SLC12A2: variants seen among roughly 807,000 people sequenced by gnomAD.
The protein encoded by SLC12A2 is solute carrier family 12 member 2.
A neutral mutation model predicts 136.3 loss-of-function variants in SLC12A2; 67 were observed. That is an observed-to-expected ratio of 0.49 (90% CI 0.40 to 0.60). The LOEUF is 0.60. Among genes scored for constraint, SLC12A2 ranks in the 20% least tolerant of loss-of-function variants. SLC12A2 has a pLI of 0.00. For synonymous variants in SLC12A2, 619 were observed against 562.9 expected, an observed-to-expected ratio of 1.10 and a Z score of -1.41; for missense variants, 1,322 against 1,534.7, an observed-to-expected ratio of 0.86 and a Z score of 2.32.
chr5:128,138,810 T>C lies in SLC12A2; in HGVS notation c.1537-14T>C. 4.4e-6 allele frequency: 7 copies of C among 1,607,414 alleles called. No homozygotes were observed. The highest frequency in any genetic ancestry group is 5.9e-6 in the Non-Finnish European group (7 of 1,176,590). On this transcript the variant is annotated splice_polypyrimidine_tract_variant and intron_variant, in intron 8 of 26. Transcript: ENST00000262461. ...TTTTACAGATAGACTTTAAAAAATC[T>C]TCTTGTCTTCTAGGATCCTCAGTCA...
intron 1 of SLC12A2, among the ~76,000 whole-genome samples, chr5:128,092,569 A>G (rs1760373976): frequency 6.6e-6 from 1 of 152,218 alleles, no homozygotes; most frequent in South Asian, 2.1e-4. Flanking sequence ...TTTATAATAT[A>G]CCGTATTTTA....
chr5:128,109,471 G>T, intron 1 of SLC12A2: 1 of 495,444 alleles, frequency 2.0e-6, no homozygotes, highest in Admixed American at 2.8e-5. Context: ...ATCATTTCGA[G>T]AGTCCGTCTT....
chr5:128,147,797 G>T lies in SLC12A2; in HGVS notation c.1881+68G>T, dbSNP rs1762577156. On this transcript the variant is annotated intron_variant, in intron 11 of 26. Transcript: ENST00000262461. ...AAGTAATACTTCTCAATTTAGAATT[G>T]TTGCTATTTTCAAATTATTTGCTTC... 4 of 953,432 alleles carry T rather than the reference G, an allele frequency of 4.2e-6. No individual in the cohort carries two copies. In the South Asian group the frequency reaches 5.9e-5, roughly 14 times the overall value. The allele number at this position is 953,432 out of a possible 1,614,324, so 59.1% of individuals were successfully genotyped here.
chr5:128,127,966 A>G (rs1002101745), intron 4 of SLC12A2, among the ~76,000 whole-genome samples: 2 of 151,946 alleles, frequency 1.3e-5, no homozygotes, highest in Admixed American at 6.6e-5. Flanking sequence ...CTCATTTTTT[A>G]GTATAATCAT....
intron 17 of SLC12A2, among the ~76,000 whole-genome samples, chr5:128,163,099 T>A (rs1428684761): frequency 6.6e-6 from 1 of 152,186 alleles, no homozygotes; most frequent in East Asian, 1.9e-4. Context: ...TGTGGTAATG[T>A]AGATTGGACA....
At chr5:128,143,756 T>G (rs1262248054) in intron 10 of SLC12A2, among the ~76,000 whole-genome samples, 1 of 151,832 alleles carries the variant, frequency 6.6e-6, no homozygotes, top group Non-Finnish European at 1.5e-5. Flanking sequence ...AAATTTTGCT[T>G]TGTAATTTTT....
intron 16 of SLC12A2, among the ~76,000 whole-genome samples, chr5:128,161,299 CA>C (rs1291498490): frequency 6.6e-6 from 1 of 152,092 alleles, no homozygotes; most frequent in Non-Finnish European, 1.5e-5. Flanking sequence ...GTAACAAAAA[CA>C]AAACTAGGGA....
chr5:128,087,002 C>T (rs1402035622), intron 1 of SLC12A2, among the ~76,000 whole-genome samples: 4 of 152,162 alleles, frequency 2.6e-5, no homozygotes, highest in African/African-American at 9.7e-5. Flanking sequence ...AATTATCTAC[C>T]ATGGGACTAA....
rs974444430 is a variant in SLC12A2 at position 128,124,730 on chromosome 5, T to G, written c.1049-6337T>G. ...GATTAAATCATTGGCCATTAATGAT[T>G]AGCTCAATTTCTAGTGCCTCTCCCT... On this transcript the variant is annotated intron_variant, in intron 4 of 26. Transcript: ENST00000262461. 2.2e-4 allele frequency among the ~76,000 whole-genome samples: 34 copies of G among 152,206 alleles called. 1 individual carries two copies. In the South Asian group the frequency reaches 3.1e-3, roughly 14 times the overall value.
intron 16 of SLC12A2, among the ~76,000 whole-genome samples, chr5:128,159,162 G>A (rs1033959424): frequency 6.6e-6 from 1 of 151,524 alleles, no homozygotes; most frequent in African/African-American, 2.4e-5. Context: ...AGAGTGGTTT[G>A]GCTTTTTGAT....
intron 12 of SLC12A2, 38 bp from the exon 13 acceptor site, chr5:128,149,959 T>TA (rs1186939495): frequency 2.2e-6 from 3 of 1,335,762 alleles, no homozygotes; most frequent in Non-Finnish European, 3.2e-6. Context: ...GTTAAATGTC[T>TA]AATACGTCAG....
rs70997365 is a variant in SLC12A2, at chr5:128,179,948, C to CTTTTTTTTTTTT, written c.3101-907_3101-896dup. Among the ~76,000 whole-genome samples the CTTTTTTTTTTTT allele has an allele frequency of 1.4e-4, 7 of 50,444 alleles. 2 individuals carry two copies. Among genetic ancestry groups the CTTTTTTTTTTTT allele is most frequent in the African/African-American group, 4.3e-4 (6 of 13,946 alleles). 33.1% of individuals were successfully genotyped at this position (50,444 alleles called of 152,430 possible). On this transcript the variant is annotated intron_variant, in intron 22 of 26. Coordinates refer to ENST00000262461, the MANE Select transcript of SLC12A2 (RefSeq NM_001046.3). Reference sequence around the variant, plus strand: ...TCCATTTATCATGTCCCAATCGTTCCTTTTTTTTTTTTTTTTTTTTTTTTT... The same window carrying CTTTTTTTTTTTT: ...TCCATTTATCATGTCCCAATCGTTCCTTTTTTTTTTTTTTTTTTTTTTTTTTTTTTTTTTTTT...
At chr5:128,120,085 G>T (rs1468979749) in intron 4 of SLC12A2, among the ~76,000 whole-genome samples, 2 of 152,042 alleles carry the variant, frequency 1.3e-5, no homozygotes, top group Non-Finnish European at 2.9e-5. Context: ...AGACATTTAT[G>T]CAGCCAAAAG....
intron 3 of SLC12A2, 54 bp from the exon 4 acceptor site, chr5:128,114,532 G>C (rs369392529): frequency 9.9e-6 from 12 of 1,214,522 alleles, no homozygotes; most frequent in Admixed American, 5.2e-5. Flanking sequence ...TTTAGATACC[G>C]ATGAGCTTAA....
intron 1 of SLC12A2, among the ~76,000 whole-genome samples, chr5:128,099,368 G>T (rs972258712): frequency 1.3e-5 from 2 of 152,102 alleles, no homozygotes; most frequent in African/African-American, 4.8e-5. Flanking sequence ...ACATGTGTAG[G>T]ATACTTACTA....
chr5:128,110,146 T>G (rs1229126710), intron 1 of SLC12A2: 3 of 877,688 alleles, frequency 3.4e-6, no homozygotes, highest in Non-Finnish European at 5.9e-6. Context: ...CTACTTTCTT[T>G]GACTAGAAAG....
chr5:128,158,031 T>C (rs1326378702), intron 15 of SLC12A2, 22 bp from the exon 16 acceptor site: 3 of 1,578,138 alleles, frequency 1.9e-6, no homozygotes, highest in African/African-American at 2.7e-5. Context: ...CTAATTTTGT[T>C]TGTCTTTTCA....
intron 1 of SLC12A2, among the ~76,000 whole-genome samples, chr5:128,112,184 A>G (rs984009307): frequency 6.6e-6 from 1 of 152,188 alleles, no homozygotes; most frequent in Non-Finnish European, 1.5e-5. Context: ...TATGAAACCT[A>G]AAAACCTAAA....
At chr5:128,157,704 C>T (rs1014389689) in intron 15 of SLC12A2, among the ~76,000 whole-genome samples, 4 of 152,010 alleles carry the variant, frequency 2.6e-5, no homozygotes, top group Non-Finnish European at 5.9e-5. Flanking sequence ...TATGCAAACT[C>T]TGTGAAAGAA....
Sources: allele counts gnomAD v4.1 joint callset (sites outside exome capture counted in the v4.1 genomes callset), GRCh38; gene constraint gnomAD v4.1.1; transcripts MANE v1.5; gene names NCBI Gene and HGNC (gene_info 2026-07-23, HGNC 2026-07-21).